PHKA2: variants seen among roughly 807,000 people sequenced by gnomAD.
The protein encoded by PHKA2 is phosphorylase kinase regulatory subunit alpha 2, also known as phosphorylase b kinase regulatory subunit alpha, liver isoform.
A neutral mutation model predicts 102.0 loss-of-function variants in PHKA2; 31 were observed. That is an observed-to-expected ratio of 0.30 (90% CI 0.23 to 0.41). The LOEUF is 0.41. Ranked by LOEUF, PHKA2 falls within the 10% of genes least tolerant of loss-of-function variation. The pLI is 1.00. For synonymous variants in PHKA2, 455 were observed against 416.2 expected (o/e 1.09, Z -1.13); for missense variants, 858 against 1,023.1 (o/e 0.84, Z 2.20).
rs182263375 is a variant in PHKA2 at position 18,980,519 on chromosome X, C to G, written c.78+3336G>C. Reference sequence around the variant, plus strand: ...TGTTTGGGTGGAGAAAAGCATAAATCTAGCCTACGTGCACATTCAAGCATA... The same window carrying G: ...TGTTTGGGTGGAGAAAAGCATAAATGTAGCCTACGTGCACATTCAAGCATA... On this transcript the variant is annotated intron_variant, in intron 1 of 32. Transcript: ENST00000379942. 5.5e-3 allele frequency among the ~76,000 whole-genome samples: 618 copies of G among 112,784 alleles called. 5 individuals carry two copies. Among genetic ancestry groups the G allele is most frequent in the African/African-American group, 0.018 (562 of 31,121 alleles).
chrX:18,935,280 G>A (rs1055664161), intron 11 of PHKA2, among the ~76,000 whole-genome samples: 2 of 112,035 alleles, frequency 1.8e-5, no homozygotes, highest in African/African-American at 3.2e-5. Context: ...ACTATGTTTG[G>A]GCATTTTCTT....
At chrX:18,908,973 G>C (rs749942688) in intron 20 of PHKA2, 39 bp from the exon 21 acceptor site, 1 of 1,208,571 alleles carries the variant, frequency 8.3e-7, no homozygotes, top group Non-Finnish European at 1.1e-6. Flanking sequence ...AGATGGGCTA[G>C]GCATGGAACT....
chrX:18,926,391 C>A, intron 14 of PHKA2, 62 bp downstream of exon 14: 2 of 964,276 alleles, frequency 2.1e-6, no homozygotes, highest in East Asian at 6.1e-5. Context: ...TCCCTCAGAC[C>A]CCAAATCTAG....
chrX:18,975,967 CTTTTTTTTTTTTT>C (rs200764030), intron 1 of PHKA2, among the ~76,000 whole-genome samples: 5 of 62,986 alleles, frequency 7.9e-5, no homozygotes, highest in Admixed American at 2.1e-4. Context: ...AAGTCAAATT[CTTTTTTTTTTTTT>C]TTTTTTTTTT....
At chrX:18,899,292 G>A in intron 28 of PHKA2, 66 bp from the exon 29 acceptor site, 1 of 930,433 alleles carries the variant, frequency 1.1e-6, no homozygotes, top group Non-Finnish European at 1.6e-6. Flanking sequence ...AGAGAGGAGG[G>A]TCATGGAGCA....
intron 15 of PHKA2, 119 bp downstream of exon 15, chrX:18,925,549 T>C: frequency 1.8e-6 from 1 of 549,617 alleles, no homozygotes; most frequent in Admixed American, 2.4e-5. Flanking sequence ...CTTGGTATCA[T>C]TTCATATGTC....
Position 18,901,639 on chromosome X carries a change from C to T in PHKA2, c.2909-36G>A, listed in dbSNP as rs1229863734. 3.2e-6 allele frequency: 3 copies of T among 951,000 alleles called. No individual in the cohort carries two copies. In the East Asian group the frequency reaches 9.2e-5, roughly 29 times the overall value. The allele number at this position is 951,000 out of a possible 1,213,427, so 78.4% of individuals were successfully genotyped here. On this transcript the variant is annotated intron_variant, in intron 26 of 32. Transcript: ENST00000379942. Reference sequence around the variant, plus strand: ...AACACACACACGTGGTTCTCAGGAACTCTACAGCATCCAACCCGAGGCAGG... The same window carrying T: ...AACACACACACGTGGTTCTCAGGAATTCTACAGCATCCAACCCGAGGCAGG...
At position 18,897,389 on chromosome X, in the gene PHKA2, A is replaced by G. The variant is rs1275928465; in HGVS notation, c.3112-56T>C. 4 of 1,131,728 alleles carry G rather than the reference A, an allele frequency of 3.5e-6. No individual in the cohort carries two copies. The East Asian group carries it at 9.0e-5, about 26-fold the overall frequency. 93.3% of individuals were successfully genotyped at this position (1,131,728 alleles called of 1,213,427 possible). On this transcript the variant is annotated intron_variant, in intron 29 of 32. Coordinates refer to ENST00000379942, the MANE Select transcript of PHKA2 (RefSeq NM_000292.3). ...GCCACGCAGCAGGTGCCCCAGGGAAAGTGCGCCATCTCGAAGGGCGGCCCT... is the reference window on the plus strand; with the variant it reads ...GCCACGCAGCAGGTGCCCCAGGGAAGGTGCGCCATCTCGAAGGGCGGCCCT...
chrX:18,899,277 A>G (rs1160377348), intron 28 of PHKA2, 51 bp from the exon 29 acceptor site: 2 of 1,022,079 alleles, frequency 2.0e-6, no homozygotes, highest in Admixed American at 4.4e-5. Context: ...ACCAAGAGAC[A>G]CAGCAGAGAG....
intron 1 of PHKA2, among the ~76,000 whole-genome samples, chrX:18,965,267 G>C (rs1051930730): frequency 9.0e-6 from 1 of 111,638 alleles, no homozygotes; most frequent in Non-Finnish European, 1.9e-5. Flanking sequence ...TTACTGAGAT[G>C]TAAGTCCTGA....
chrX:18,939,451 T>G (rs2048452095), intron 9 of PHKA2, among the ~76,000 whole-genome samples: 1 of 111,866 alleles, frequency 8.9e-6, no homozygotes, highest in African/African-American at 3.3e-5. Context: ...CCCCAAGTGT[T>G]GGGATTACAG....
intron 1 of PHKA2, among the ~76,000 whole-genome samples, chrX:18,968,265 G>A (rs1179220600): frequency 3.6e-5 from 4 of 111,297 alleles, no homozygotes; most frequent in Admixed American, 2.9e-4. Flanking sequence ...AAACAAAAAA[G>A]TAACAAGAAG....
chrX:18,900,360 TC>T (rs1046542754), intron 28 of PHKA2, among the ~76,000 whole-genome samples: 2 of 110,986 alleles, frequency 1.8e-5, no homozygotes, highest in African/African-American at 6.6e-5. Context: ...TGACCGCATT[TC>T]CCCCCCATTT....
chrX:18,901,425 G>T, intron 27 of PHKA2, 60 bp downstream of exon 27: 1 of 752,252 alleles, frequency 1.3e-6, no homozygotes, highest in Non-Finnish European at 2.1e-6. Flanking sequence ...GTCGCTTTCT[G>T]GGGTAAGCCC....
chrX:18,924,545 G>A lies in PHKA2; in HGVS notation c.1570-20C>T. On this transcript the variant is annotated intron_variant, in intron 15 of 32. Transcript: ENST00000379942. ...GGTGAACTGAAAGTCAGAGGAGGCTGGGTAAACGGCCACCCTTTCTTTACC... is the reference window on the plus strand; with the variant it reads ...GGTGAACTGAAAGTCAGAGGAGGCTAGGTAAACGGCCACCCTTTCTTTACC... The A allele has an allele frequency of 8.3e-7, 1 of 1,206,843 alleles. No homozygotes were observed. Among genetic ancestry groups the A allele is most frequent in the Non-Finnish European group, 1.1e-6 (1 of 891,436 alleles).
chrX:18,941,932 C>T (rs2048496702), intron 7 of PHKA2, among the ~76,000 whole-genome samples: 1 of 112,677 alleles, frequency 8.9e-6, no homozygotes, highest in South Asian at 3.6e-4. Flanking sequence ...TGTCTCCCTT[C>T]CTTCCATGCC....
chrX:18,938,548 A>G, intron 10 of PHKA2, 79 bp downstream of exon 10: 1 of 1,023,734 alleles, frequency 9.8e-7, no homozygotes, highest in Admixed American at 2.2e-5. Context: ...AAATTCTTGC[A>G]TAACCCTATG....
chrX:18,934,547 T>C (rs1326207017), intron 11 of PHKA2, among the ~76,000 whole-genome samples: 1 of 111,961 alleles, frequency 8.9e-6, no homozygotes, highest in East Asian at 2.8e-4. Flanking sequence ...AACTGAATGC[T>C]TCCGGCAATG....
In PHKA2 at chrX:18,906,924, G is replaced by A; in HGVS notation, c.2597+94C>T. On this transcript the variant is annotated intron_variant, in intron 23 of 32. Transcript: ENST00000379942. ...GTGCTAGACGCATCCATGTGACAGAGTGTCTTTAAAAAGCCCCTCCTCCGA... is the reference window on the plus strand; with the variant it reads ...GTGCTAGACGCATCCATGTGACAGAATGTCTTTAAAAAGCCCCTCCTCCGA... The A allele has an allele frequency of 6.9e-6, 7 of 1,016,098 alleles. No individual in the cohort carries two copies. The Admixed American group carries it at 1.6e-4, about 23-fold the overall frequency. 83.7% of individuals were successfully genotyped at this position (1,016,098 alleles called of 1,213,427 possible).
Sources: gnomAD v4.1 joint callset for allele counts (sites outside exome capture counted in the v4.1 genomes callset) on GRCh38, gnomAD v4.1.1 for gene constraint, MANE v1.5 for transcripts, NCBI Gene and HGNC (gene_info 2026-07-23, HGNC 2026-07-21) for gene names.